Variants in KLF12 observed in about 807,000 individuals in gnomAD.
KLF12 encodes Krueppel-like factor 12.
KLF12 carries 9 observed loss-of-function variants against 37.8 expected under a neutral mutation model. The observed-to-expected ratio is 0.24, with a 90% CI of 0.14 to 0.42. The LOEUF (loss-of-function observed/expected upper bound fraction) is 0.42. Among genes scored for constraint, KLF12 ranks in the 10% least tolerant of loss-of-function variants. KLF12 has a pLI of 1.00. For missense variants in KLF12, 411 were observed against 516.0 expected (o/e 0.80, Z 1.97); for synonymous variants, 208 against 202.1 (o/e 1.03, Z -0.25).
At chr13:74,165,234 A>G in the KLF12 span, among the ~76,000 whole-genome samples, 1 of 152,090 alleles carries the variant, frequency 6.6e-6, no homozygotes, top group Non-Finnish European at 1.5e-5. Context: ...TGGAATCATC[A>G]AGGAACCTGA....
At chr13:74,080,688 T>TC (rs1874832697) in intron 1 of KLF12, among the ~76,000 whole-genome samples, 1 of 152,196 alleles carries the variant, frequency 6.6e-6, no homozygotes, top group Non-Finnish European at 1.5e-5. Context: ...ATCTATCAAT[T>TC]CCATTAGTTT....
chr13:74,004,237 A>T (rs1298196372), intron 1 of KLF12, among the ~76,000 whole-genome samples: 3 of 152,150 alleles, frequency 2.0e-5, no homozygotes, highest in African/African-American at 7.2e-5. Flanking sequence ...ATGGTATCAA[A>T]TTCCAGTAGT....
At chr13:74,000,586 T>C (rs190041882) in intron 1 of KLF12, among the ~76,000 whole-genome samples, 1 of 152,304 alleles carries the variant, frequency 6.6e-6, no homozygotes, top group Admixed American at 6.5e-5. Flanking sequence ...TAGCAGATAC[T>C]ACTACAGAAA....
chr13:73,752,647 A>G (rs1298812991), intron 6 of KLF12, among the ~76,000 whole-genome samples: 1 of 151,776 alleles, frequency 6.6e-6, no homozygotes, highest in Admixed American at 6.6e-5. Context: ...TGTGGATACC[A>G]TTCTAGTCGT....
intron 6 of KLF12, among the ~76,000 whole-genome samples, chr13:73,719,014 T>G (rs1024484003): frequency 6.6e-6 from 1 of 152,254 alleles, no homozygotes; most frequent in African/African-American, 2.4e-5. Flanking sequence ...CCAGTAAAGC[T>G]GGCTTTCAAA....
At chr13:73,911,555 G>A (rs1888570169) in intron 3 of KLF12, among the ~76,000 whole-genome samples, 1 of 152,184 alleles carries the variant, frequency 6.6e-6, no homozygotes, top group Admixed American at 6.5e-5. Context: ...TACAGTCAGG[G>A]ACAGAGAAAC....
At chr13:74,059,637 T>C (rs1873457739) in intron 1 of KLF12, among the ~76,000 whole-genome samples, 1 of 152,238 alleles carries the variant, frequency 6.6e-6, no homozygotes, top group Non-Finnish European at 1.5e-5. Flanking sequence ...TGGAGTTTTT[T>C]TTCTTGTTGA....
At chr13:74,174,011 G>A in the KLF12 span, among the ~76,000 whole-genome samples, 1 of 152,088 alleles carries the variant, frequency 6.6e-6, no homozygotes, top group Non-Finnish European at 1.5e-5. Context: ...CACAGCCAAC[G>A]ATCTTTTCTA....
intron 1 of KLF12, among the ~76,000 whole-genome samples, chr13:74,025,949 A>G: frequency 6.6e-6 from 1 of 152,172 alleles, no homozygotes; most frequent in Non-Finnish European, 1.5e-5. Context: ...AAATGCAAAC[A>G]ATTAAATAAT....
At chr13:73,771,152 T>G (rs111719591) in intron 5 of KLF12, among the ~76,000 whole-genome samples, 1 of 152,330 alleles carries the variant, frequency 6.6e-6, no homozygotes, top group Non-Finnish European at 1.5e-5. Flanking sequence ...GAACTTGCTC[T>G]TAGTTCTCAT....
chr13:74,020,227 C>T (rs1395360638), intron 1 of KLF12, among the ~76,000 whole-genome samples: 1 of 152,116 alleles, frequency 6.6e-6, no homozygotes, highest in Non-Finnish European at 1.5e-5. Context: ...AAAGCAACTC[C>T]CATATAACCA....
At chr13:74,207,082 A>G in the KLF12 span, among the ~76,000 whole-genome samples, 2 of 152,192 alleles carry the variant, frequency 1.3e-5, no homozygotes, top group Non-Finnish European at 2.9e-5. Context: ...ATGTCATCTC[A>G]TAGTGGAAAG....
At chr13:73,737,718 A>C (rs987508845) in intron 6 of KLF12, among the ~76,000 whole-genome samples, 1 of 152,166 alleles carries the variant, frequency 6.6e-6, no homozygotes, top group Non-Finnish European at 1.5e-5. Context: ...AATATTATGG[A>C]TATGTGGAAA....
At chr13:74,202,852 C>CA in the KLF12 span, among the ~76,000 whole-genome samples, 2 of 152,022 alleles carry the variant, frequency 1.3e-5, no homozygotes, top group Non-Finnish European at 2.9e-5. Flanking sequence ...AGCCCTTGTT[C>CA]AAAAAATGGA....
chr13:74,059,552 T>C (rs1367576944), intron 1 of KLF12, among the ~76,000 whole-genome samples: 2 of 152,232 alleles, frequency 1.3e-5, no homozygotes, highest in African/African-American at 4.8e-5. Flanking sequence ...ATGTTGAGCA[T>C]TTCTTCATGT....
In KLF12 at chr13:74,033,083, G is replaced by A. The variant is rs190671863; in HGVS notation, c.-31-38030C>T. Among the ~76,000 whole-genome samples the A allele has an allele frequency of 4.6e-5, 7 of 152,052 alleles. No individual in the cohort carries two copies. The East Asian group carries it at 9.7e-4, about 21-fold the overall frequency. ...CCATCTTTTCCTCTTGAAATAAAAC[G>A]TGACATGTACTGTATACAAATTAAA... is the stretch of plus-strand genomic sequence containing the variant. On this transcript the variant is annotated intron_variant, in intron 1 of 7. Coordinates refer to ENST00000377669, the MANE Select transcript of KLF12 (RefSeq NM_007249.5).
At chr13:74,210,849 T>C in the KLF12 span, among the ~76,000 whole-genome samples, 1 of 152,180 alleles carries the variant, frequency 6.6e-6, no homozygotes, top group Non-Finnish European at 1.5e-5. Context: ...ACCCATGTTA[T>C]CTCCTAATCC....
intron 3 of KLF12, among the ~76,000 whole-genome samples, chr13:73,934,943 G>A (rs1048175639): frequency 1.5e-4 from 19 of 130,384 alleles, no homozygotes; most frequent in African/African-American, 5.1e-4. Flanking sequence ...ATTTTGGATA[G>A]GTTTTTATTA....
At chr13:73,752,704 A>T (rs1878853246) in intron 6 of KLF12, among the ~76,000 whole-genome samples, 1 of 147,080 alleles carries the variant, frequency 6.8e-6, no homozygotes, top group Non-Finnish European at 1.5e-5. Flanking sequence ...TTCCTCACTC[A>T]TTCCCCTGCT....
Sources: gnomAD v4.1 joint callset for allele counts (sites outside exome capture counted in the v4.1 genomes callset) on GRCh38, gnomAD v4.1.1 for gene constraint, MANE v1.5 for transcripts, NCBI Gene and HGNC (gene_info 2026-07-23, HGNC 2026-07-21) for gene names.